LAMA2: variants seen among roughly 807,000 people sequenced by gnomAD.
The protein encoded by LAMA2 is laminin subunit alpha-2.
LAMA2 carries 269 observed loss-of-function variants against 364.8 expected under a neutral mutation model. The observed-to-expected ratio is 0.74, with a 90% CI of 0.67 to 0.82. LAMA2 has a LOEUF of 0.82. LAMA2 is among the 40% of genes least tolerant of loss of function. The pLI is 0.00. For missense variants in LAMA2, 3,807 were observed against 3,873.2 expected, an observed-to-expected ratio of 0.98 and a Z score of 0.45; for synonymous variants, 1,379 against 1,370.6, an observed-to-expected ratio of 1.01 and a Z score of -0.14.
intron 7 of LAMA2, among the ~76,000 whole-genome samples, chr6:129,150,114 A>T (rs1225137191): frequency 1.3e-5 from 2 of 152,138 alleles, no homozygotes; most frequent in African/African-American, 4.8e-5. Flanking sequence ...GTTTATAAAG[A>T]TATTATGGAT....
intron 4 of LAMA2, among the ~76,000 whole-genome samples, chr6:129,118,613 A>T (rs1776611964): frequency 6.6e-6 from 1 of 152,232 alleles, no homozygotes; most frequent in African/African-American, 2.4e-5. Flanking sequence ...TTACTTAAAG[A>T]TCTATTTTGT....
intron 1 of LAMA2, among the ~76,000 whole-genome samples, chr6:129,048,498 TTCCTTCCTTCCTTCC>T (rs1787729597): frequency 3.1e-5 from 1 of 32,352 alleles, no homozygotes; most frequent in African/African-American, 1.1e-4. Context: ...CTTTCTTTCC[TTCCTTCCTTCCTTCC>T]TTCCTTCCTT....
chr6:129,397,716 C>A (rs2114684308), intron 37 of LAMA2, among the ~76,000 whole-genome samples: 1 of 151,492 alleles, frequency 6.6e-6, no homozygotes, highest in East Asian at 1.9e-4. Flanking sequence ...GAGATCGAGA[C>A]CATCCTGGCT....
intron 40 of LAMA2, among the ~76,000 whole-genome samples, chr6:129,421,008 T>A (rs1479117976): frequency 6.6e-6 from 1 of 152,164 alleles, no homozygotes; most frequent in Non-Finnish European, 1.5e-5. Context: ...TTGAGATAAA[T>A]AAAAAGTTTT....
chr6:129,502,595 G>A, intron 58 of LAMA2, 64 bp from the exon 59 acceptor site: 1 of 977,944 alleles, frequency 1.0e-6, no homozygotes, highest in Non-Finnish European at 1.7e-6. Context: ...CAATTAGACA[G>A]CATCATTACC....
At chr6:128,958,641 T>A (rs989197008) in intron 1 of LAMA2, among the ~76,000 whole-genome samples, 5 of 152,190 alleles carry the variant, frequency 3.3e-5, no homozygotes, top group Admixed American at 3.3e-4. Flanking sequence ...CTGGTTTTAA[T>A]CATCACCTGC....
At chr6:129,391,821 A>G (rs567533865) in intron 36 of LAMA2, among the ~76,000 whole-genome samples, 168 bp downstream of exon 36, 22 of 152,234 alleles carry the variant, frequency 1.4e-4, no homozygotes, top group East Asian at 7.7e-4. Flanking sequence ...CTATCTATTT[A>G]TCTATCTACC....
chr6:129,157,652 A>G (rs1779193639), intron 8 of LAMA2: 1 of 1,612,348 alleles, frequency 6.2e-7, no homozygotes, highest in Admixed American at 1.7e-5. Context: ...GTAGACATTC[A>G]TCACTGTTCC....
chr6:128,998,009 GTTA>G (rs1784102741), intron 1 of LAMA2, among the ~76,000 whole-genome samples: 1 of 152,068 alleles, frequency 6.6e-6, no homozygotes, highest in Non-Finnish European at 1.5e-5. Context: ...AGGACCCTGA[GTTA>G]TTATAACAGA....
In LAMA2 at chr6:129,366,304, G is replaced by A. The variant is rs766521929; in HGVS notation, c.4803G>A (p.Pro1601=). The change falls in exon 33 of 65, where the codon CCG becomes CCA. Residue 1601 remains proline, a synonymous_variant. Coordinates refer to ENST00000421865, the MANE Select transcript of LAMA2 (RefSeq NM_000426.4). ...QMVMSINLTG[P]LPAPYKMLYG... ...TCATGAGCATCAACCTCACTGGTCCGCTGCCTGCGCCATATAAAATGCTGT... is the reference window on the plus strand; with the variant it reads ...TCATGAGCATCAACCTCACTGGTCCACTGCCTGCGCCATATAAAATGCTGT... 68 of 1,613,750 alleles carry A rather than the reference G, an allele frequency of 4.2e-5. 1 individual carries two copies. Among genetic ancestry groups the A allele is most frequent in the South Asian group, 6.6e-5 (6 of 91,062 alleles).
At chr6:129,290,088 A>G (rs1789588316) in intron 19 of LAMA2, among the ~76,000 whole-genome samples, 2 of 152,154 alleles carry the variant, frequency 1.3e-5, no homozygotes, top group Non-Finnish European at 2.9e-5. Flanking sequence ...TTTCCATTAA[A>G]ATGACACTTT....
intron 1 of LAMA2, among the ~76,000 whole-genome samples, chr6:129,020,117 AAAG>A (rs1335696918): frequency 6.6e-6 from 1 of 151,342 alleles, no homozygotes; most frequent in Non-Finnish European, 1.5e-5. Context: ...AAAAAAAAAA[AAAG>A]AAGTCTGTGT....
At chr6:129,393,872 C>T (rs1224652829) in intron 37 of LAMA2, among the ~76,000 whole-genome samples, 1 of 152,096 alleles carries the variant, frequency 6.6e-6, no homozygotes, top group Non-Finnish European at 1.5e-5. Context: ...GCGCTGTGTT[C>T]TATGCAAATG....
At chr6:128,883,488 A>G in intron 1 of LAMA2, 131 bp downstream of exon 1, 1 of 1,453,562 alleles carries the variant, frequency 6.9e-7, no homozygotes, top group Non-Finnish European at 9.3e-7. Context: ...GCTCTGGGGC[A>G]AGAGGAACTT....
At chr6:129,264,330 G>A (rs541270166) in intron 15 of LAMA2, among the ~76,000 whole-genome samples, 29 of 152,116 alleles carry the variant, frequency 1.9e-4, no homozygotes, top group African/African-American at 7.0e-4. Context: ...CAGTTTGAAT[G>A]ATTGATCAGT....
chr6:129,383,086 C>T (rs1778786441), intron 34 of LAMA2, 36 bp from the exon 35 acceptor site: 1 of 1,535,868 alleles, frequency 6.5e-7, no homozygotes, highest in Non-Finnish European at 9.0e-7. Context: ...TTCATCATCT[C>T]TATTAATTAT....
In LAMA2 at chr6:129,466,663, C is replaced by A. The variant is rs75658121; in HGVS notation, c.7300+1374C>A. 8.5e-3 allele frequency among the ~76,000 whole-genome samples: 1,293 copies of A among 152,006 alleles called. 12 individuals carry two copies. Among genetic ancestry groups the A allele is most frequent in the African/African-American group, 0.03 (1,225 of 41,522 alleles). ...GTTTAACCCAGCATTTCCCAAATTT[C>A]TTTAATCAGAGAAATCCTTCCATTC... On this transcript the variant is annotated intron_variant, in intron 51 of 64. Transcript: ENST00000421865.
At chr6:129,438,292 G>A (rs1010042249) in intron 41 of LAMA2, among the ~76,000 whole-genome samples, 1 of 151,738 alleles carries the variant, frequency 6.6e-6, no homozygotes, top group African/African-American at 2.4e-5. Flanking sequence ...TTTTAAATAA[G>A]TGGAATCAAT....
Position 129,300,896 on chromosome 6 carries a change from T to C in LAMA2, c.3174+24T>C, listed in dbSNP as rs751423658. The stretch of plus-strand genomic sequence containing the variant: ...AGGTGAGTGAACCACTTTTTTGCTC[T>C]GATAATTTTTTGGAGAGATTTTTGT... On this transcript the variant is annotated intron_variant, in intron 22 of 64. Transcript: ENST00000421865. 17 of 1,613,202 alleles carry C rather than the reference T, an allele frequency of 1.1e-5. No homozygotes were observed. In the East Asian group the frequency reaches 2.2e-4, roughly 21 times the overall value.
Sources: allele counts gnomAD v4.1 joint callset (sites outside exome capture counted in the v4.1 genomes callset), GRCh38; gene constraint gnomAD v4.1.1; transcripts MANE v1.5; gene names NCBI Gene and HGNC (gene_info 2026-07-23, HGNC 2026-07-21).